Variants in SGCD observed in about 807,000 individuals in gnomAD.
The protein encoded by SGCD is delta-sarcoglycan.
A neutral mutation model predicts 36.6 loss-of-function variants in SGCD; 18 were observed. That is an observed-to-expected ratio of 0.49 (90% CI 0.34 to 0.73). SGCD has a LOEUF of 0.73. SGCD is among the 30% of genes least tolerant of loss of function. The probability of loss-of-function intolerance (pLI) is 0.01; values close to 1 mark genes in which losing one functional copy is unlikely to be tolerated. For missense variants in SGCD, 387 were observed against 346.7 expected (o/e 1.12, Z -0.92); for synonymous variants, 133 against 130.6 (o/e 1.02, Z -0.12).
At chr5:156,748,224 T>G (rs1757019062) in intron 7 of SGCD, among the ~76,000 whole-genome samples, 1 of 152,114 alleles carries the variant, frequency 6.6e-6, no homozygotes. Flanking sequence ...GGGTGGTGGG[T>G]GTGAATGCAG....
At chr5:156,097,582 A>G (rs1761412290) in intron 1 of SGCD, among the ~76,000 whole-genome samples, 1 of 150,802 alleles carries the variant, frequency 6.6e-6, no homozygotes, top group Non-Finnish European at 1.5e-5. Context: ...TCTGCTTTAT[A>G]GTGTTTCTTT....
intron 3 of SGCD, among the ~76,000 whole-genome samples, chr5:156,288,454 TTA>T (rs1343768791): frequency 6.6e-6 from 1 of 152,176 alleles, no homozygotes; most frequent in Non-Finnish European, 1.5e-5. Context: ...TTCTGAATGT[TTA>T]TGTTTTTACA....
intron 1 of SGCD, among the ~76,000 whole-genome samples, chr5:156,041,209 G>A (rs1207642613): frequency 3.3e-5 from 5 of 152,174 alleles, no homozygotes; most frequent in African/African-American, 7.2e-5. Context: ...CAGATAAGCT[G>A]AGCTAATAAA....
At chr5:155,752,538 A>G in the SGCD span, among the ~76,000 whole-genome samples, 2 of 151,472 alleles carry the variant, frequency 1.3e-5, no homozygotes, top group African/African-American at 4.9e-5. Context: ...TTAACTCTCC[A>G]CTCTTTTGTT....
intron 1 of SGCD, among the ~76,000 whole-genome samples, chr5:156,026,157 G>T (rs1215232260): frequency 6.6e-6 from 1 of 152,192 alleles, no homozygotes; most frequent in Non-Finnish European, 1.5e-5. Flanking sequence ...TTAGTACTGT[G>T]GGTGGTAGGC....
chr5:156,619,054 A>C (rs280464), intron 6 of SGCD, among the ~76,000 whole-genome samples: 47,655 of 148,332 alleles, frequency 0.32, 8,459 homozygotes, highest in African/African-American at 0.49. Flanking sequence ...GAGACAGCGT[A>C]TCGCTCTGTT....
chr5:156,138,928 G>C (rs557548456), intron 3 of SGCD, among the ~76,000 whole-genome samples: 1 of 152,232 alleles, frequency 6.6e-6, no homozygotes, highest in East Asian at 1.9e-4. Flanking sequence ...TTCCCTGTTG[G>C]CTAATAATGT....
intron 3 of SGCD, among the ~76,000 whole-genome samples, chr5:156,165,645 G>C (rs978491510): frequency 6.6e-6 from 1 of 152,142 alleles, no homozygotes; most frequent in Non-Finnish European, 1.5e-5. Context: ...CTTCAGACCT[G>C]GGTGATATTG....
chr5:156,281,455 C>T (rs149462622), intron 3 of SGCD, among the ~76,000 whole-genome samples: 104 of 152,122 alleles, frequency 6.8e-4, no homozygotes, highest in African/African-American at 2.2e-3. Flanking sequence ...GTGTGGAAAG[C>T]GGGGAGTGGT....
intron 1 of SGCD, among the ~76,000 whole-genome samples, chr5:156,030,343 A>G (rs1759318662): frequency 1.3e-5 from 2 of 152,328 alleles, no homozygotes; most frequent in Middle Eastern, 3.4e-3. Context: ...TCCTAATCCA[A>G]TAATGGCTTA....
At chr5:156,234,266 A>G (rs532754776) in intron 3 of SGCD, among the ~76,000 whole-genome samples, 1 of 152,074 alleles carries the variant, frequency 6.6e-6, no homozygotes, top group Admixed American at 6.6e-5. Flanking sequence ...GGTTCTTTGT[A>G]TATGTTGGAT....
At chr5:155,871,906 A>T (rs1437270457) in intron 1 of SGCD, among the ~76,000 whole-genome samples, 1 of 152,216 alleles carries the variant, frequency 6.6e-6, no homozygotes, top group African/African-American at 2.4e-5. Context: ...ACATAAAAAG[A>T]TAGAGAAGCA....
chr5:155,925,763 G>A (rs1179755647), intron 1 of SGCD, among the ~76,000 whole-genome samples: 4 of 152,046 alleles, frequency 2.6e-5, no homozygotes, highest in Non-Finnish European at 5.9e-5. Context: ...TTATAGGTGT[G>A]CACCACCTTA....
chr5:155,775,664 G>A, the SGCD span, among the ~76,000 whole-genome samples: 1 of 151,992 alleles, frequency 6.6e-6, no homozygotes, highest in Admixed American at 6.6e-5. Context: ...TTAGAAATAA[G>A]CAAACAGGGT....
chr5:156,509,122 G>A (rs1216702221), intron 4 of SGCD, among the ~76,000 whole-genome samples: 1 of 152,136 alleles, frequency 6.6e-6, no homozygotes, highest in African/African-American at 2.4e-5. Context: ...AGCCAGTGTT[G>A]GTTAGGATCA....
At chr5:156,613,482 A>G (rs747221130) in intron 6 of SGCD, among the ~76,000 whole-genome samples, 12 of 152,194 alleles carry the variant, frequency 7.9e-5, no homozygotes, top group Non-Finnish European at 1.5e-4. Flanking sequence ...TCTCACTGTC[A>G]TATGTATTCT....
intron 2 of SGCD, among the ~76,000 whole-genome samples, chr5:156,120,841 T>A (rs561591252): frequency 6.6e-6 from 1 of 152,306 alleles, no homozygotes; most frequent in East Asian, 1.9e-4. Context: ...ACTCCATCTA[T>A]CATTGTGCTG....
the SGCD span, among the ~76,000 whole-genome samples, chr5:155,802,888 A>G: frequency 6.6e-6 from 1 of 152,182 alleles, no homozygotes; most frequent in Non-Finnish European, 1.5e-5. Flanking sequence ...TCATCTGAGG[A>G]ATCAGTCTCC....
chr5:156,422,392 C>T (rs1254434049), intron 3 of SGCD, among the ~76,000 whole-genome samples: 2 of 151,894 alleles, frequency 1.3e-5, no homozygotes. Context: ...CAAAGAAAAG[C>T]CTGTAGTGAG....
Sources: allele counts gnomAD v4.1 joint callset (sites outside exome capture counted in the v4.1 genomes callset), GRCh38; gene constraint gnomAD v4.1.1; transcripts MANE v1.5; gene names NCBI Gene and HGNC (gene_info 2026-07-23, HGNC 2026-07-21).